Variants in MTUS1 observed in about 807,000 individuals in gnomAD.
MTUS1 encodes microtubule-associated tumor suppressor 1.
In MTUS1, 109 loss-of-function variants were observed where a neutral mutation model predicts 120.8. That is an observed-to-expected ratio of 0.90 (90% confidence interval 0.77 to 1.06). The LOEUF is 1.06. MTUS1 is among the 50% of genes least tolerant of loss of function. The pLI, the probability that MTUS1 is intolerant of heterozygous loss-of-function variation, is 0.00. For missense variants in MTUS1, 2,210 were observed against 1,486.3 expected, an observed-to-expected ratio of 1.49 and a Z score of -8.01; for synonymous variants, 737 against 550.5, an observed-to-expected ratio of 1.34 and a Z score of -4.74.
chr8:17,739,145 A>G (rs1197305430), intron 3 of MTUS1, among the ~76,000 whole-genome samples: 1 of 152,012 alleles, frequency 6.6e-6, no homozygotes, highest in African/African-American at 2.4e-5. Flanking sequence ...TGTCTCAAAA[A>G]AACAAACAAA....
At chr8:17,744,475 T>C (rs1004695878) in intron 2 of MTUS1, among the ~76,000 whole-genome samples, 2 of 151,882 alleles carry the variant, frequency 1.3e-5, no homozygotes, top group Non-Finnish European at 2.9e-5. Flanking sequence ...GGCTGGAGTG[T>C]AGTGGCATGA....
At position 17,754,994 on chromosome 8, in the gene MTUS1, T is replaced by C. The variant is rs776143677; in HGVS notation, c.814A>G (p.Thr272Ala). The C allele has an allele frequency of 2.5e-6, 4 of 1,614,176 alleles. No homozygotes were observed. The highest frequency in any genetic ancestry group is 1.3e-5 in the African/African-American group (1 of 75,072). Reference sequence around the variant, plus strand: ...TGTGATCCATCTGTGTACTCACTGGTGACCTTTCCTGAAGAACATGCACAC... The same window carrying C: ...TGTGATCCATCTGTGTACTCACTGGCGACCTTTCCTGAAGAACATGCACAC... ...NQCACSSGKVTSEYTDGSQQR... is the reference protein window; with the variant it reads ...NQCACSSGKVASEYTDGSQQR... The change falls in exon 2 of 15, where the codon ACC becomes GCC. Residue 272 changes from threonine to alanine, a missense_variant. Transcript: ENST00000693296.
chr8:17,737,495 A>G (rs2047016280), intron 3 of MTUS1, among the ~76,000 whole-genome samples: 1 of 152,212 alleles, frequency 6.6e-6, no homozygotes, highest in African/African-American at 2.4e-5. Flanking sequence ...ATTAAATTTT[A>G]TTCACATTTC....
intron 6 of MTUS1, among the ~76,000 whole-genome samples, chr8:17,712,074 A>C (rs539912906): frequency 6.6e-6 from 1 of 152,324 alleles, no homozygotes; most frequent in African/African-American, 2.4e-5. Flanking sequence ...AAAAAGCTTG[A>C]AATAGTGTGA....
rs1288860389 is a variant in MTUS1, at chr8:17,754,195, C to T, written c.1613G>A (p.Ser538Asn). 1 of 1,613,932 alleles carries T rather than the reference C, an allele frequency of 6.2e-7. No homozygotes were observed. Among genetic ancestry groups the T allele is most frequent in the African/African-American group, 1.3e-5 (1 of 74,898 alleles). Residue 538 changes from serine (S) to asparagine (N), a missense_variant, in exon 2 of 15, where the codon AGT (serine) becomes AAT (asparagine). Coordinates refer to ENST00000693296, the MANE Select transcript of MTUS1 (RefSeq NM_001363059.2). The stretch of plus-strand genomic sequence containing the variant: ...ATTCACTGATGAGGGTGATGAGGCA[C>T]TGGTCTGCTGAGGTCTGGGCGTGAC... ...SKVTPRPQQT[S>N]ASSPSSVNSR...
intron 1 of MTUS1, among the ~76,000 whole-genome samples, chr8:17,792,855 C>A (rs2051914028): frequency 6.6e-6 from 1 of 152,206 alleles, no homozygotes; most frequent in Admixed American, 6.5e-5. Context: ...CAGCAAGACT[C>A]TGTCTCAAAA....
chr8:17,710,639 T>C (rs73204288), intron 6 of MTUS1, among the ~76,000 whole-genome samples: 5,072 of 152,332 alleles, frequency 0.033, 117 homozygotes, highest in Non-Finnish European at 0.052. Flanking sequence ...GTTGGTGCTC[T>C]GACCTCCTCC....
At chr8:17,783,714 A>G (rs2051075342) in intron 1 of MTUS1, among the ~76,000 whole-genome samples, 1 of 152,144 alleles carries the variant, frequency 6.6e-6, no homozygotes, top group East Asian at 1.9e-4. Flanking sequence ...GACAGCCTTT[A>G]CAATCACTGG....
chr8:17,749,809 AAAAT>A (rs1397218690), intron 2 of MTUS1, among the ~76,000 whole-genome samples: 2 of 152,142 alleles, frequency 1.3e-5, no homozygotes, highest in East Asian at 3.9e-4. Flanking sequence ...ATGTCTCCCT[AAAAT>A]GTGTAAAAGC....
intron 6 of MTUS1, among the ~76,000 whole-genome samples, chr8:17,687,724 G>A (rs1247569502): frequency 6.6e-6 from 1 of 152,152 alleles, no homozygotes; most frequent in Admixed American, 6.6e-5. Flanking sequence ...GCCTCCATCA[G>A]GAAAACGAAG....
chr8:17,725,362 T>C (rs79904755), intron 3 of MTUS1, among the ~76,000 whole-genome samples: 1,952 of 152,256 alleles, frequency 0.013, 20 homozygotes, highest in Non-Finnish European at 0.02. Flanking sequence ...GCATTTGAAA[T>C]TACCACATTA....
intron 1 of MTUS1, among the ~76,000 whole-genome samples, chr8:17,757,820 C>G (rs2048738844): frequency 6.6e-6 from 1 of 152,166 alleles, no homozygotes; most frequent in South Asian, 2.1e-4. Context: ...AGCCACCACG[C>G]CCGGCCACTT....
intron 1 of MTUS1, among the ~76,000 whole-genome samples, chr8:17,775,746 T>C (rs1053617581): frequency 2.8e-4 from 43 of 152,346 alleles, no homozygotes; most frequent in East Asian, 9.6e-4. Flanking sequence ...TCTGGACCCA[T>C]GGCCACCAGG....
chr8:17,788,781 G>A (rs746006713), intron 1 of MTUS1, among the ~76,000 whole-genome samples: 13 of 152,138 alleles, frequency 8.5e-5, no homozygotes, highest in South Asian at 4.1e-4. Flanking sequence ...ACATCATATT[G>A]TAGATGATTT....
At position 17,796,120 on chromosome 8, in the gene MTUS1, T is replaced by G. The variant is rs932576431; in HGVS notation, c.-155+4941A>C. On this transcript the variant is annotated intron_variant, in intron 1 of 14. Transcript: ENST00000693296. ...GCCCACCACCACACCCAGCTAATTT[T>G]TTGTATTTTTAGTAGAGATGGGGTT... Among the ~76,000 whole-genome samples the G allele has an allele frequency of 2.6e-5, 4 of 151,736 alleles. No homozygotes were observed. The East Asian group carries it at 7.8e-4, about 30-fold the overall frequency.
chr8:17,678,897 T>C (rs1483852901), intron 7 of MTUS1, among the ~76,000 whole-genome samples: 1 of 152,170 alleles, frequency 6.6e-6, no homozygotes, highest in Non-Finnish European at 1.5e-5. Context: ...TGTTGTTCAC[T>C]TTGGCTGTCT....
intron 4 of MTUS1, among the ~76,000 whole-genome samples, chr8:17,717,305 A>G (rs1822525685): frequency 6.6e-6 from 1 of 152,182 alleles, no homozygotes; most frequent in Non-Finnish European, 1.5e-5. Context: ...TGGCTTTTCC[A>G]AAGTTGACAG....
chr8:17,721,924 A>G, intron 4 of MTUS1: 1 of 1,603,950 alleles, frequency 6.2e-7, no homozygotes, highest in Non-Finnish European at 8.5e-7. Context: ...AAGCAAGCTT[A>G]AGCAGGAAAA....
chr8:17,754,808 C>CT lies in MTUS1; in HGVS notation c.999_1000insA (p.Gly334ArgfsTer14). ...GACACTGTCTCTCTCAGATTTTGGC[C>CT]CATTTCCTTGTGCCTGTATGAGCTC... On this transcript the variant is annotated frameshift_variant, in exon 2 of 15. Transcript: ENST00000693296. LOFTEE classifies it high-confidence loss of function. 1.2e-6 allele frequency: 2 copies of CT among 1,614,184 alleles called. No individual in the cohort carries two copies. Among genetic ancestry groups the CT allele is most frequent in the Non-Finnish European group, 1.7e-6 (2 of 1,180,024 alleles).
Sources: allele counts gnomAD v4.1 joint callset (sites outside exome capture counted in the v4.1 genomes callset), GRCh38; gene constraint gnomAD v4.1.1; transcripts MANE v1.5; gene names NCBI Gene and HGNC (gene_info 2026-07-23, HGNC 2026-07-21).